NARS2: variants seen among roughly 807,000 people sequenced by gnomAD.
NARS2 encodes the protein asparaginyl-tRNA synthetase.
In NARS2, 60 loss-of-function variants were observed where a neutral mutation model predicts 62.9. That is an observed-to-expected ratio of 0.95 (90% CI 0.77 to 1.18). The LOEUF (loss-of-function observed/expected upper bound fraction) is 1.18, where lower values mean the gene tolerates loss of function less well. Among genes scored for constraint, NARS2 ranks in the 50% most tolerant of loss-of-function variants. The pLI is 0.00. For missense variants in NARS2, 619 were observed against 576.4 expected, an observed-to-expected ratio of 1.07 and a Z score of -0.76; for synonymous variants, 196 against 200.0, an observed-to-expected ratio of 0.98 and a Z score of 0.17.
chr11:78,495,298 C>T (rs776659226), intron 6 of NARS2, among the ~76,000 whole-genome samples: 2 of 152,068 alleles, frequency 1.3e-5, no homozygotes, highest in Non-Finnish European at 2.9e-5. Context: ...TTTGCATAGG[C>T]TCTTCCCTAC....
intron 4 of NARS2, among the ~76,000 whole-genome samples, chr11:78,561,274 GCAAA>G (rs1423878107): frequency 6.6e-6 from 1 of 152,164 alleles, no homozygotes; most frequent in African/African-American, 2.4e-5. Context: ...ATACAGCCGT[GCAAA>G]CAAAGTCCAA....
intron 7 of NARS2, among the ~76,000 whole-genome samples, chr11:78,479,948 G>C (rs189610792): frequency 6.9e-4 from 105 of 152,234 alleles, no homozygotes; most frequent in Admixed American, 1.8e-3. Flanking sequence ...ACCCAGGTTG[G>C]AGGGCAGTGG....
chr11:78,510,509 A>G (rs1470445509), intron 6 of NARS2, among the ~76,000 whole-genome samples: 1 of 152,212 alleles, frequency 6.6e-6, no homozygotes, highest in Non-Finnish European at 1.5e-5. Context: ...AAACAGTTTT[A>G]CAATACTATT....
chr11:78,472,579 A>C (rs570684640), intron 9 of NARS2, among the ~76,000 whole-genome samples: 1 of 152,360 alleles, frequency 6.6e-6, no homozygotes, highest in South Asian at 2.1e-4. Context: ...CGAGTTGCTG[A>C]AACAGCACAT....
chr11:78,477,398 A>G (rs569080170), intron 9 of NARS2, among the ~76,000 whole-genome samples: 3 of 152,196 alleles, frequency 2.0e-5, no homozygotes, highest in African/African-American at 4.8e-5. Context: ...GCATTTCCCA[A>G]TTTCAGTTAA....
chr11:78,491,573 T>C (rs1358618684), intron 7 of NARS2, among the ~76,000 whole-genome samples: 1 of 152,244 alleles, frequency 6.6e-6, no homozygotes, highest in Non-Finnish European at 1.5e-5. Flanking sequence ...AGGCACAAAG[T>C]GCTAACGCCT....
chr11:78,528,779 A>C (rs1861382016), intron 6 of NARS2, 63 bp downstream of exon 6: 2 of 1,042,274 alleles, frequency 1.9e-6, no homozygotes, highest in Non-Finnish European at 3.0e-6. Flanking sequence ...TGAGCATGGG[A>C]AGGGAAGCAC....
intron 5 of NARS2, among the ~76,000 whole-genome samples, chr11:78,550,585 T>C (rs987333707): frequency 9.8e-5 from 15 of 152,314 alleles, no homozygotes; most frequent in Middle Eastern, 6.8e-3. Context: ...CCCATTAGTA[T>C]GATTATAATC....
intron 11 of NARS2, among the ~76,000 whole-genome samples, chr11:78,452,585 T>G (rs1858011681): frequency 6.6e-6 from 1 of 152,072 alleles, no homozygotes; most frequent in African/African-American, 2.4e-5. Flanking sequence ...ATATTATTTT[T>G]TTTTGTACAG....
intron 5 of NARS2, among the ~76,000 whole-genome samples, chr11:78,551,191 G>GT (rs1439260387): frequency 6.6e-6 from 1 of 152,198 alleles, no homozygotes; most frequent in Non-Finnish European, 1.5e-5. Flanking sequence ...ACTTTATACA[G>GT]TTGTGCATAG....
chr11:78,524,360 C>T (rs1861226594), intron 6 of NARS2, among the ~76,000 whole-genome samples: 1 of 146,772 alleles, frequency 6.8e-6, no homozygotes, highest in South Asian at 2.2e-4. Context: ...AAAGGTATTC[C>T]TCTAGAAAAA....
chr11:78,507,745 T>G (rs1860559232), intron 6 of NARS2, among the ~76,000 whole-genome samples: 1 of 152,042 alleles, frequency 6.6e-6, no homozygotes, highest in Non-Finnish European at 1.5e-5. Context: ...GGTCTCGATC[T>G]CCTGACCTCA....
At chr11:78,488,678 A>G (rs187839215) in intron 7 of NARS2, among the ~76,000 whole-genome samples, 1 of 152,358 alleles carries the variant, frequency 6.6e-6, no homozygotes, top group Non-Finnish European at 1.5e-5. Context: ...TATGGCAACT[A>G]TAAGATAAAG....
Position 78,566,228 on chromosome 11 carries a change from C to T in NARS2, c.417G>A (p.Leu139=). The part of the protein sequence containing the change: ...KYKERHPLEY[L]RQYPHFRCRT... ...TACACCTAAAGTGAGGATATTGTCG[C>T]AGATACTCCAGAGGATGCCTCTCTT... The change falls in exon 4 of 14, where the codon CTG becomes CTA. Residue 139 remains leucine, a synonymous_variant. Coordinates refer to ENST00000281038, the MANE Select transcript of NARS2 (RefSeq NM_024678.6). The T allele has an allele frequency of 6.2e-7, 1 of 1,611,690 alleles. No homozygotes were observed.
At chr11:78,567,864 T>C (rs1170592890) in intron 3 of NARS2, among the ~76,000 whole-genome samples, 1 of 152,218 alleles carries the variant, frequency 6.6e-6, no homozygotes, top group Non-Finnish European at 1.5e-5. Flanking sequence ...ATGGCTAGAA[T>C]ATAAATTTCA....
At chr11:78,525,811 T>C (rs1861274888) in intron 6 of NARS2, among the ~76,000 whole-genome samples, 1 of 152,158 alleles carries the variant, frequency 6.6e-6, no homozygotes, top group Non-Finnish European at 1.5e-5. Flanking sequence ...TAATGAAGGT[T>C]AACATCATCA....
chr11:78,485,974 A>C (rs1256060832), intron 7 of NARS2, among the ~76,000 whole-genome samples: 1 of 152,122 alleles, frequency 6.6e-6, no homozygotes, highest in African/African-American at 2.4e-5. Flanking sequence ...TCCCAGGTTC[A>C]AGCGATTCTC....
At chr11:78,443,624 A>G (rs750778462) in intron 12 of NARS2, 37 bp downstream of exon 12, 98 of 1,509,706 alleles carry the variant, frequency 6.5e-5, no homozygotes, top group Non-Finnish European at 6.3e-5. Context: ...CTTATGCTCA[A>G]TTTCTCAATT....
chr11:78,528,807 T>C, intron 6 of NARS2, 35 bp downstream of exon 6: 6 of 1,406,042 alleles, frequency 4.3e-6, no homozygotes, highest in Middle Eastern at 1.8e-4. Context: ...CAAACCATAA[T>C]ATATCAAAGC....
Sources: allele counts gnomAD v4.1 joint callset (sites outside exome capture counted in the v4.1 genomes callset), GRCh38; gene constraint gnomAD v4.1.1; transcripts MANE v1.5; gene names NCBI Gene and HGNC (gene_info 2026-07-23, HGNC 2026-07-21).